Variants in PRUNE2 observed in about 807,000 individuals in gnomAD.
PRUNE2 encodes the protein prune homolog 2 with BCH domain.
In PRUNE2, 164 loss-of-function variants were observed where a neutral mutation model predicts 252.0. That is an observed-to-expected ratio of 0.65 (90% CI 0.57 to 0.74). The LOEUF (loss-of-function observed/expected upper bound fraction) is 0.74. PRUNE2 is among the 30% of genes least tolerant of loss of function. PRUNE2 has a pLI of 0.00. For synonymous variants in PRUNE2, 1,292 were observed against 1,350.2 expected (o/e 0.96, Z 0.94); for missense variants, 3,495 against 3,711.0 (o/e 0.94, Z 1.51).
At chr9:76,626,312 C>T (rs1472254061) in intron 16 of PRUNE2, among the ~76,000 whole-genome samples, 1 of 152,206 alleles carries the variant, frequency 6.6e-6, no homozygotes, top group Non-Finnish European at 1.5e-5. Context: ...TGATGACAGG[C>T]TCCATCTCAG....
chr9:76,748,230 T>G (rs755668994), intron 6 of PRUNE2, among the ~76,000 whole-genome samples: 15 of 152,198 alleles, frequency 9.9e-5, no homozygotes, highest in South Asian at 4.1e-4. Flanking sequence ...GGAGAAAAGA[T>G]AGTTCAAATG....
chr9:76,672,184 C>A (rs1366613122), intron 9 of PRUNE2, among the ~76,000 whole-genome samples: 1 of 149,144 alleles, frequency 6.7e-6, no homozygotes, highest in African/African-American at 2.5e-5. Context: ...CACACATAGG[C>A]TCAAAATAAA....
intron 1 of PRUNE2, among the ~76,000 whole-genome samples, chr9:76,882,614 G>A (rs991248164): frequency 1.3e-5 from 2 of 152,120 alleles, no homozygotes; most frequent in South Asian, 2.1e-4. Flanking sequence ...GTGGGAACAG[G>A]AGCAAGAGAG....
chr9:76,699,109 C>T (rs888217375), intron 9 of PRUNE2, among the ~76,000 whole-genome samples: 19 of 145,480 alleles, frequency 1.3e-4, no homozygotes, highest in African/African-American at 4.6e-4. Flanking sequence ...AATATCATCC[C>T]TTTTCTCAAT....
rs1372630920 is a variant in PRUNE2 at position 76,703,777 on chromosome 9, C to G, written c.7836G>C (p.Glu2612Asp). ...SLNERKGLSA[E>D]KMSSKSDTRS... ...TCGTATCGCTTTTAGAAGACATTTT[C>G]TCTGCAGAGAGACCTTTTCTTTCAT... Residue 2612 changes from glutamate to aspartate, a missense_variant, in exon 9 of 19, where the codon GAG (glutamate) becomes GAC (aspartate). Transcript: ENST00000376718. 1 of 1,613,780 alleles carries G rather than the reference C, an allele frequency of 6.2e-7. No homozygotes were observed. The highest frequency in any genetic ancestry group is 1.3e-5 in the African/African-American group (1 of 74,992).
intron 9 of PRUNE2, chr9:76,687,571 G>A (rs1013092394): frequency 2.9e-6 from 1 of 345,888 alleles, no homozygotes. Flanking sequence ...TCTGCCTAGG[G>A]TTTCCAAAGC....
chr9:76,614,344 T>C lies in PRUNE2; in HGVS notation c.*226A>G, dbSNP rs1828415027. 5.2e-6 allele frequency: 3 copies of C among 576,948 alleles called. No homozygotes were observed. Among genetic ancestry groups the C allele is most frequent in the Non-Finnish European group, 9.1e-6 (3 of 328,212 alleles). The allele number at this position is 576,948 out of a possible 1,614,324, so 35.7% of individuals were successfully genotyped here. The stretch of plus-strand genomic sequence containing the variant: ...GAAGGTCCTACTTTCTTGCTAAGGC[T>C]CAACTAAAATCTTTGAGGCACATAA... On this transcript the variant is annotated 3_prime_UTR_variant, in exon 19 of 19. Transcript: ENST00000376718.
At chr9:76,753,608 C>T (rs772771957) in intron 6 of PRUNE2, among the ~76,000 whole-genome samples, 1 of 152,018 alleles carries the variant, frequency 6.6e-6, no homozygotes, top group Non-Finnish European at 1.5e-5. Context: ...AGATTCTGGT[C>T]CAGATAATCA....
intron 1 of PRUNE2, among the ~76,000 whole-genome samples, chr9:76,878,426 C>T (rs1253371892): frequency 1.3e-5 from 2 of 152,158 alleles, no homozygotes; most frequent in East Asian, 3.9e-4. Context: ...TCTATCTGTG[C>T]AATGAAAAGT....
At chr9:76,799,451 A>G (rs1455971977) in intron 6 of PRUNE2, among the ~76,000 whole-genome samples, 1 of 152,168 alleles carries the variant, frequency 6.6e-6, no homozygotes, top group Non-Finnish European at 1.5e-5. Context: ...TGCCACACTG[A>G]GCATACACAT....
chr9:76,628,327 G>T (rs547823603), intron 16 of PRUNE2, among the ~76,000 whole-genome samples: 2 of 152,120 alleles, frequency 1.3e-5, no homozygotes, highest in Non-Finnish European at 2.9e-5. Context: ...GGATGCTGAC[G>T]CTGATACTGC....
chr9:76,799,907 G>A (rs1274897343), intron 6 of PRUNE2, among the ~76,000 whole-genome samples: 1 of 152,142 alleles, frequency 6.6e-6, no homozygotes, highest in African/African-American at 2.4e-5. Flanking sequence ...CTACCCATAG[G>A]TGATAGAAAA....
intron 18 of PRUNE2, among the ~76,000 whole-genome samples, chr9:76,616,425 A>G (rs367997758): frequency 7.2e-5 from 11 of 152,320 alleles, no homozygotes; most frequent in African/African-American, 2.6e-4. Context: ...GAGAATATTT[A>G]CTAAACCAAA....
chr9:76,749,949 C>G (rs1434037603), intron 6 of PRUNE2, among the ~76,000 whole-genome samples: 1 of 152,086 alleles, frequency 6.6e-6, no homozygotes, highest in Non-Finnish European at 1.5e-5. Flanking sequence ...ATTCCTACAT[C>G]CCTTAGAATT....
intron 12 of PRUNE2, 186 bp downstream of exon 12, chr9:76,644,553 T>C: frequency 1.4e-6 from 1 of 708,742 alleles, no homozygotes; most frequent in Non-Finnish European, 2.5e-6. Context: ...CTTTGCCTAG[T>C]AGGATTTCAA....
chr9:76,806,669 G>A (rs932602102), intron 6 of PRUNE2, among the ~76,000 whole-genome samples: 9 of 137,994 alleles, frequency 6.5e-5, no homozygotes, highest in African/African-American at 1.3e-4. Context: ...CAACACGCCC[G>A]GCTAATTTTT....
chr9:76,706,023 C>A lies in PRUNE2; in HGVS notation c.6251G>T (p.Gly2084Val). 4 of 1,614,012 alleles carry A rather than the reference C, an allele frequency of 2.5e-6. No individual in the cohort carries two copies. The highest frequency in any genetic ancestry group is 3.4e-6 in the Non-Finnish European group (4 of 1,179,884). Residue 2084 changes from glycine to valine, a missense_variant, in exon 8 of 19, where the codon GGT becomes GTT. Gly to Val is a moderately radical substitution (Grantham distance 109). Transcript: ENST00000376718. ...AKKPFSLKAD[G>V]ENPDILTHCE... ...GTGCGTCAGGATATCAGGATTCTCACCATCTGCTTTCAAACTGAAGGGCTT... is the reference window on the plus strand; with the variant it reads ...GTGCGTCAGGATATCAGGATTCTCAACATCTGCTTTCAAACTGAAGGGCTT...
At chr9:76,868,647 T>C (rs936381639) in intron 1 of PRUNE2, among the ~76,000 whole-genome samples, 2 of 152,130 alleles carry the variant, frequency 1.3e-5, no homozygotes, top group Non-Finnish European at 2.9e-5. Flanking sequence ...TCACCTAGCG[T>C]CAATATGCAA....
chr9:76,893,870 AG>A (rs2062645443), intron 1 of PRUNE2, among the ~76,000 whole-genome samples: 2 of 152,182 alleles, frequency 1.3e-5, no homozygotes, highest in South Asian at 4.1e-4. Context: ...GCCACGGTCC[AG>A]GGGTATCAGC....
Sources: gnomAD v4.1 joint callset for allele counts (sites outside exome capture counted in the v4.1 genomes callset) on GRCh38, gnomAD v4.1.1 for gene constraint, MANE v1.5 for transcripts, NCBI Gene and HGNC (gene_info 2026-07-23, HGNC 2026-07-21) for gene names.